Variants in U2SURP observed in about 807,000 individuals in gnomAD.
U2SURP encodes U2 snRNP associated SURP domain containing.
In U2SURP, 9 loss-of-function variants were observed where a neutral mutation model predicts 144.9. That is an observed-to-expected ratio of 0.06 (90% confidence interval 0.04 to 0.11). The LOEUF is 0.11. U2SURP is among the 10% of genes least tolerant of loss of function. The pLI, the probability that U2SURP is intolerant of heterozygous loss-of-function variation, is 1.00. For synonymous variants in U2SURP, 408 were observed against 396.8 expected (o/e 1.03, Z -0.33); for missense variants, 724 against 1,226.7 (o/e 0.59, Z 6.12).
chr3:143,014,977 T>C (rs1310328472), intron 4 of U2SURP, among the ~76,000 whole-genome samples: 1 of 152,088 alleles, frequency 6.6e-6, no homozygotes, highest in Non-Finnish European at 1.5e-5. Context: ...AGGTGAGATT[T>C]GGGATATATT....
chr3:143,044,945 A>T (rs542181283), intron 24 of U2SURP, among the ~76,000 whole-genome samples: 20 of 152,178 alleles, frequency 1.3e-4, no homozygotes, highest in African/African-American at 2.2e-4. Flanking sequence ...TAGTTGATTT[A>T]TTTTTTCCTG....
chr3:143,056,268 CAT>C, intron 27 of U2SURP, 42 bp from the exon 28 acceptor site: 1 of 1,557,598 alleles, frequency 6.4e-7, no homozygotes, highest in East Asian at 2.3e-5. Flanking sequence ...GTTTTGATCA[CAT>C]GAGTACTTTA....
intron 27 of U2SURP, among the ~76,000 whole-genome samples, chr3:143,055,971 G>T (rs1326682526): frequency 6.6e-6 from 1 of 152,020 alleles, no homozygotes; most frequent in Non-Finnish European, 1.5e-5. Context: ...TAGATTAAAG[G>T]TTCAAATTTG....
At chr3:143,036,411 T>C (rs1278611809) in intron 20 of U2SURP, among the ~76,000 whole-genome samples, 1 of 152,232 alleles carries the variant, frequency 6.6e-6, no homozygotes, top group African/African-American at 2.4e-5. Context: ...AGCATGACTT[T>C]ATTTTGTTAA....
At chr3:143,014,719 A>T (rs568855618) in intron 4 of U2SURP, among the ~76,000 whole-genome samples, 13 of 152,042 alleles carry the variant, frequency 8.6e-5, no homozygotes, top group Non-Finnish European at 1.8e-4. Flanking sequence ...AGCATGCTTT[A>T]TACAGTACAC....
intron 24 of U2SURP, among the ~76,000 whole-genome samples, chr3:143,044,692 G>A (rs1934324635): frequency 2.0e-5 from 3 of 152,052 alleles, no homozygotes; most frequent in African/African-American, 4.8e-5. Flanking sequence ...TTCATTGAAC[G>A]GTATTTTTGA....
Position 143,013,932 on chromosome 3 carries a change from C to T in U2SURP, c.223-379C>T, listed in dbSNP as rs1254382195. The stretch of plus-strand genomic sequence containing the variant: ...GCCCCAGGACCATGGAAATGTTTGC[C>T]TCCATTTGCTTATTTGAGGATCTGT... On this transcript the variant is annotated intron_variant, in intron 3 of 27. Coordinates refer to ENST00000473835, the MANE Select transcript of U2SURP (RefSeq NM_001080415.2). Among the ~76,000 whole-genome samples, 11 of 152,096 alleles carry T rather than the reference C, an allele frequency of 7.2e-5. 3 individuals carry two copies. In the South Asian group the frequency reaches 2.3e-3, roughly 32 times the overall value.
At chr3:143,003,858 A>AT (rs1237838173) in intron 1 of U2SURP, among the ~76,000 whole-genome samples, 1 of 151,332 alleles carries the variant, frequency 6.6e-6, no homozygotes, top group African/African-American at 2.4e-5. Context: ...CGCCCGGCTA[A>AT]TTTTTTGTAT....
chr3:143,022,965 T>C lies in U2SURP; in HGVS notation c.1131T>C (p.Pro377=). Residue 377 remains proline, a synonymous_variant, in exon 12 of 28, where the codon CCT becomes CCC. Transcript: ENST00000473835. ...PSMMEHTLPP[P]PSGLPFNAQP... is the part of the protein sequence containing the mutation. Reference sequence around the variant, plus strand: ...TGATGGAACATACGCTTCCCCCACCTCCATCCGGACTGCCTTTTAATGCGC... The same window carrying C: ...TGATGGAACATACGCTTCCCCCACCCCCATCCGGACTGCCTTTTAATGCGC... The C allele has an allele frequency of 6.2e-7, 1 of 1,612,170 alleles. No individual in the cohort carries two copies. Among genetic ancestry groups the C allele is most frequent in the Non-Finnish European group, 8.5e-7 (1 of 1,179,094 alleles).
rs191901112 is a variant in U2SURP at position 143,028,694 on chromosome 3, T to C, written c.1610+48T>C. On this transcript the variant is annotated intron_variant, in intron 16 of 27. Transcript: ENST00000473835. ...TATATATTCAGAAAAGTAACTGTAA[T>C]GGTTGCTTTAATTAATGGTCTTATT... 229 of 1,484,062 alleles carry C rather than the reference T, an allele frequency of 1.5e-4. No homozygotes were observed. In the African/African-American group the frequency reaches 3.0e-3, roughly 19 times the overall value. 91.9% of individuals were successfully genotyped at this position (1,484,062 alleles called of 1,614,324 possible).
chr3:143,033,286 T>C lies in U2SURP; in HGVS notation c.1789T>C (p.Leu597=), dbSNP rs1933608250. The C allele has an allele frequency of 6.5e-7, 1 of 1,541,908 alleles. No homozygotes were observed. The highest frequency in any genetic ancestry group is 8.8e-7 in the Non-Finnish European group (1 of 1,139,198). Residue 597 remains leucine, a synonymous_variant, in exon 18 of 28, where the codon TTG becomes CTG. Transcript: ENST00000473835. The part of the protein sequence containing the change: ...PLPKKIARLY[L]VSDVLYNSSA... Reference sequence around the variant, plus strand: ...GATATTATAGATTGCCAGATTATATTTGGTTTCTGATGTTTTGTACAACTC... The same window carrying C: ...GATATTATAGATTGCCAGATTATATCTGGTTTCTGATGTTTTGTACAACTC...
At chr3:143,038,070 C>G in intron 21 of U2SURP, 38 bp from the exon 22 acceptor site, 1 of 1,484,690 alleles carries the variant, frequency 6.7e-7, no homozygotes, top group South Asian at 1.3e-5. Flanking sequence ...GGGTCATCCA[C>G]TAGTAGTCAG....
chr3:143,041,435 G>T (rs1211739778), intron 23 of U2SURP, among the ~76,000 whole-genome samples: 4 of 151,804 alleles, frequency 2.6e-5, no homozygotes, highest in Non-Finnish European at 5.9e-5. Flanking sequence ...AGCTAATATT[G>T]TATTGAGTTG....
intron 24 of U2SURP, among the ~76,000 whole-genome samples, chr3:143,049,447 T>C (rs540561580): frequency 4.2e-4 from 64 of 152,292 alleles, no homozygotes; most frequent in Non-Finnish European, 8.8e-5. Context: ...CTGAATAAAA[T>C]AGGATAAAAT....
intron 19 of U2SURP, among the ~76,000 whole-genome samples, chr3:143,035,714 A>G (rs77156677): frequency 0.012 from 1,841 of 152,224 alleles, 39 homozygotes; most frequent in African/African-American, 0.042. Flanking sequence ...TACTAATGGT[A>G]TGGGAGCTGA....
At chr3:143,024,657 CT>C in intron 13 of U2SURP, 2 of 241,884 alleles carry the variant, frequency 8.3e-6, no homozygotes, top group African/African-American at 2.3e-5. Context: ...CAAGCTAAGC[CT>C]TTTCCCAAAC....
chr3:143,032,728 C>G, intron 16 of U2SURP, 56 bp from the exon 17 acceptor site: 1 of 1,474,222 alleles, frequency 6.8e-7, no homozygotes, highest in Non-Finnish European at 9.3e-7. Context: ...GCAAAAGCTA[C>G]AATGGCATTT....
At chr3:143,048,432 A>G (rs189034368) in intron 24 of U2SURP, among the ~76,000 whole-genome samples, 111 of 152,348 alleles carry the variant, frequency 7.3e-4, no homozygotes, top group Non-Finnish European at 1.5e-4. Flanking sequence ...CTTGGTCACG[A>G]GAGGCTTCAC....
At chr3:143,003,778 G>A (rs1434117846) in intron 1 of U2SURP, among the ~76,000 whole-genome samples, 1 of 136,680 alleles carries the variant, frequency 7.3e-6, no homozygotes, top group Non-Finnish European at 1.5e-5. Context: ...TGCAACCTCC[G>A]CCTCCCGGGT....
Sources: gnomAD v4.1 joint callset for allele counts (sites outside exome capture counted in the v4.1 genomes callset) on GRCh38, gnomAD v4.1.1 for gene constraint, MANE v1.5 for transcripts, NCBI Gene and HGNC (gene_info 2026-07-23, HGNC 2026-07-21) for gene names.